OBI1: variants seen among roughly 807,000 people sequenced by gnomAD.
OBI1 encodes ring finger protein 219.
Under a neutral mutation model 62.4 loss-of-function variants are expected in OBI1, and 59 were observed. The observed-to-expected ratio is 0.95, with a 90% confidence interval of 0.77 to 1.17. The LOEUF (loss-of-function observed/expected upper bound fraction) is 1.17, where lower values mean the gene tolerates loss of function less well. Among genes scored for constraint, OBI1 ranks in the 50% most tolerant of loss-of-function variants. The probability of loss-of-function intolerance (pLI) is 0.00; values close to 1 mark genes in which losing one functional copy is unlikely to be tolerated. For synonymous variants in OBI1, 302 were observed against 292.8 expected, an observed-to-expected ratio of 1.03 and a Z score of -0.32; for missense variants, 875 against 830.9, an observed-to-expected ratio of 1.05 and a Z score of -0.65.
rs768892720 is a variant in OBI1 at position 78,659,124 on chromosome 13, A to T, written c.-4T>A. 8.7e-6 allele frequency: 14 copies of T among 1,610,100 alleles called. No individual in the cohort carries two copies. Among genetic ancestry groups the T allele is most frequent in the Non-Finnish European group, 1.1e-5 (13 of 1,178,412 alleles). On this transcript the variant is annotated 5_prime_UTR_variant, in exon 1 of 6. Transcript: ENST00000282003. ...CATTCTGCACGGTCTGAGCCATGGC[A>T]GCGTTCAGAATCCCGCCAACACGGA...
In OBI1 at chr13:78,659,131, A is replaced by T. The variant is rs572721576; in HGVS notation, c.-11T>A. 2.5e-6 allele frequency: 4 copies of T among 1,609,058 alleles called. No individual in the cohort carries two copies. The South Asian group carries it at 4.4e-5, about 18-fold the overall frequency. On this transcript the variant is annotated 5_prime_UTR_variant, in exon 1 of 6. Coordinates refer to ENST00000282003, the MANE Select transcript of OBI1 (RefSeq NM_024546.4). Reference sequence around the variant, plus strand: ...CACGGTCTGAGCCATGGCAGCGTTCAGAATCCCGCCAACACGGAAGTCCCG... The same window carrying T: ...CACGGTCTGAGCCATGGCAGCGTTCTGAATCCCGCCAACACGGAAGTCCCG...
intron 2 of OBI1, among the ~76,000 whole-genome samples, chr13:78,644,608 G>C (rs551170270): frequency 6.6e-6 from 1 of 151,942 alleles, no homozygotes; most frequent in Admixed American, 6.6e-5. Context: ...CTTAGCACTT[G>C]CTGCTTTTCT....
rs1876112580 is a variant in OBI1, at chr13:78,638,908, T to G, written c.464A>C (p.Glu155Ala). Residue 155 changes from glutamate to alanine, a missense_variant, in exon 4 of 6, where the codon GAA (glutamate) becomes GCA (alanine). Transcript: ENST00000282003. ...TTTTTTCTTCCACTCTGCTACAGTTTCTGGGTTAATTTTACTTGGATTATC... is the reference window on the plus strand; with the variant it reads ...TTTTTTCTTCCACTCTGCTACAGTTGCTGGGTTAATTTTACTTGGATTATC... ...VTDNPSKINP[E>A]TVAEWKKKLR... is the part of the protein sequence containing the mutation. The G allele has an allele frequency of 2.5e-6, 4 of 1,614,042 alleles. No individual in the cohort carries two copies. The East Asian group carries it at 8.9e-5, about 36-fold the overall frequency.
chr13:78,615,875 T>C lies in OBI1; in HGVS notation c.1886A>G (p.His629Arg). Residue 629 changes from histidine (H) to arginine (R), a missense_variant, in exon 6 of 6, where the codon CAT becomes CGT. Coordinates refer to ENST00000282003, the MANE Select transcript of OBI1 (RefSeq NM_024546.4). Reference protein sequence around the residue: ...DQEMNEDFSLHSSSCPVTNEI... With the variant: ...DQEMNEDFSLRSSSCPVTNEI... Reference sequence around the variant, plus strand: ...ATTAGTTACTGGACAAGAACTGGAATGGAGTGAAAAATCTTCATTCATTTC... The same window carrying C: ...ATTAGTTACTGGACAAGAACTGGAACGGAGTGAAAAATCTTCATTCATTTC... The C allele has an allele frequency of 6.2e-7, 1 of 1,614,140 alleles. No homozygotes were observed. The highest frequency in any genetic ancestry group is 8.5e-7 in the Non-Finnish European group (1 of 1,180,004).
intron 1 of OBI1, among the ~76,000 whole-genome samples, chr13:78,653,266 T>TC (rs1876597038): frequency 6.6e-6 from 1 of 152,180 alleles, no homozygotes; most frequent in Non-Finnish European, 1.5e-5. Flanking sequence ...GCTAGCAGCA[T>TC]CCCTGGGCTC....
intron 5 of OBI1, among the ~76,000 whole-genome samples, chr13:78,619,257 C>T (rs919177316): frequency 4.0e-5 from 6 of 151,740 alleles, no homozygotes; most frequent in Non-Finnish European, 8.8e-5. Context: ...GCTTCTTGTT[C>T]CAGGGTTTTA....
chr13:78,621,443 A>C (rs1875509165), intron 5 of OBI1, among the ~76,000 whole-genome samples: 1 of 152,220 alleles, frequency 6.6e-6, no homozygotes, highest in Non-Finnish European at 1.5e-5. Flanking sequence ...TTTTTCAGTT[A>C]ACATACAGAC....
chr13:78,641,406 C>T (rs1043306943), intron 3 of OBI1, among the ~76,000 whole-genome samples: 3 of 152,088 alleles, frequency 2.0e-5, no homozygotes, highest in African/African-American at 7.2e-5. Flanking sequence ...GTTGAGGCAC[C>T]TTCCATGTAC....
intron 1 of OBI1, among the ~76,000 whole-genome samples, chr13:78,652,832 G>A (rs1876584102): frequency 6.6e-6 from 1 of 152,148 alleles, no homozygotes; most frequent in South Asian, 2.1e-4. Context: ...CTGCTGTGCA[G>A]TCCTGGTTCC....
chr13:78,642,023 T>C, intron 3 of OBI1, 99 bp downstream of exon 3: 1 of 507,316 alleles, frequency 2.0e-6, no homozygotes, highest in Non-Finnish European at 3.5e-6. Flanking sequence ...AAATAAAATT[T>C]CATTGGATAT....
intron 5 of OBI1, among the ~76,000 whole-genome samples, chr13:78,627,064 G>A (rs1419809060): frequency 6.6e-6 from 1 of 152,006 alleles, no homozygotes; most frequent in African/African-American, 2.4e-5. Flanking sequence ...GGAAAGAAAG[G>A]TAAGCAGTAG....
intron 4 of OBI1, among the ~76,000 whole-genome samples, chr13:78,636,738 C>T (rs983214548): frequency 2.0e-5 from 3 of 152,160 alleles, no homozygotes; most frequent in African/African-American, 7.2e-5. Flanking sequence ...TAAGGAAAGC[C>T]ATTTACTTCC....
At chr13:78,650,016 T>C (rs1395478971) in intron 1 of OBI1, among the ~76,000 whole-genome samples, 1 of 152,232 alleles carries the variant, frequency 6.6e-6, no homozygotes, top group Non-Finnish European at 1.5e-5. Flanking sequence ...GCTAATTTAC[T>C]AGGGATAGGT....
In OBI1 at chr13:78,616,105, C is replaced by CT. The variant is rs1875273718; in HGVS notation, c.1655dup (p.Ser553GlufsTer4). ...ACTTAAAACCGTTATTACAAGGGCT[C>CT]TTGCTGTTGTCTGACTCTGACATCA... On this transcript the variant is annotated frameshift_variant, in exon 6 of 6. Coordinates refer to ENST00000282003, the MANE Select transcript of OBI1 (RefSeq NM_024546.4). LOFTEE classifies it high-confidence loss of function. 1 of 1,614,020 alleles carries CT rather than the reference C, an allele frequency of 6.2e-7. No individual in the cohort carries two copies. Among genetic ancestry groups the CT allele is most frequent in the African/African-American group, 1.3e-5 (1 of 74,930 alleles).
chr13:78,615,539 TTCTC>T lies in OBI1; in HGVS notation c.*37_*40del. 3.5e-6 allele frequency: 5 copies of T among 1,435,204 alleles called. No individual in the cohort carries two copies. Among genetic ancestry groups the T allele is most frequent in the Non-Finnish European group, 4.7e-6 (5 of 1,057,666 alleles). The allele number at this position is 1,435,204 out of a possible 1,614,324, so 88.9% of individuals were successfully genotyped here. On this transcript the variant is annotated 3_prime_UTR_variant, in exon 6 of 6. Coordinates refer to ENST00000282003, the MANE Select transcript of OBI1 (RefSeq NM_024546.4). ...AAGGTAACTTTAACAACTTTTCTAT[TTCTC>T]TCAGGACAAAACCACAAATGACACC...
Position 78,642,221 on chromosome 13 carries a change from G to GA in OBI1, c.209-9dup, listed in dbSNP as rs557439853. The GA allele has an allele frequency of 0.032, 37,548 of 1,189,876 alleles. 1 individual carries two copies. The highest frequency in any genetic ancestry group is 0.039 in the South Asian group (2,540 of 65,332). 73.7% of individuals were successfully genotyped at this position (1,189,876 alleles called of 1,614,324 possible). On this transcript the variant is annotated splice_polypyrimidine_tract_variant and intron_variant, in intron 2 of 5. Coordinates refer to ENST00000282003, the MANE Select transcript of OBI1 (RefSeq NM_024546.4). Reference sequence around the variant, plus strand: ...CACTTTCACTTGTTCCTCCTGTAGGGAAAAAAAAAAAAATCCTAATTTTTC... The same window carrying GA: ...CACTTTCACTTGTTCCTCCTGTAGGGAAAAAAAAAAAAAATCCTAATTTTTC...
At chr13:78,645,566 C>T (rs1295317455) in intron 1 of OBI1, among the ~76,000 whole-genome samples, 1 of 152,226 alleles carries the variant, frequency 6.6e-6, no homozygotes, top group Non-Finnish European at 1.5e-5. Context: ...GCAAACAATG[C>T]AGACAGAATT....
At chr13:78,630,261 T>C (rs575334554) in intron 5 of OBI1, among the ~76,000 whole-genome samples, 58 of 152,248 alleles carry the variant, frequency 3.8e-4, no homozygotes, top group African/African-American at 1.3e-3. Context: ...CATGTTTTGC[T>C]GGGGTTTTTT....
At chr13:78,625,470 G>A (rs1444340959) in intron 5 of OBI1, among the ~76,000 whole-genome samples, 1 of 152,148 alleles carries the variant, frequency 6.6e-6, no homozygotes, top group African/African-American at 2.4e-5. Context: ...GACAGTTATT[G>A]AGGACTAATG....
Sources: gnomAD v4.1 joint callset for allele counts (sites outside exome capture counted in the v4.1 genomes callset) on GRCh38, gnomAD v4.1.1 for gene constraint, MANE v1.5 for transcripts, NCBI Gene and HGNC (gene_info 2026-07-23, HGNC 2026-07-21) for gene names.